Variants in ZDHHC19 observed in about 807,000 individuals in gnomAD.
ZDHHC19 encodes zDHHC palmitoyltransferase 19, also known as palmitoyltransferase ZDHHC19.
Under a neutral mutation model 33.9 loss-of-function variants are expected in ZDHHC19, and 30 were observed. The observed-to-expected ratio is 0.88, with a 90% CI of 0.66 to 1.20. The LOEUF (loss-of-function observed/expected upper bound fraction) is 1.20, where lower values mean the gene tolerates loss of function less well. Ranked by LOEUF, ZDHHC19 falls within the 50% of genes most tolerant of loss-of-function variation. The probability of loss-of-function intolerance (pLI) is 0.00; values close to 1 mark genes in which losing one functional copy is unlikely to be tolerated. For synonymous variants in ZDHHC19, 178 were observed against 167.6 expected, an observed-to-expected ratio of 1.06 and a Z score of -0.48; for missense variants, 364 against 401.1, an observed-to-expected ratio of 0.91 and a Z score of 0.79.
intron 5 of ZDHHC19, among the ~76,000 whole-genome samples, chr3:196,202,625 G>T (rs1377627940): frequency 6.6e-6 from 1 of 152,228 alleles, no homozygotes; most frequent in Non-Finnish European, 1.5e-5. Context: ...GAGCCGCGCA[G>T]GAGGCCAGAG....
rs549393705 is a variant in ZDHHC19 at position 196,200,544 on chromosome 3, C to T, written c.688-1670G>A. On this transcript the variant is annotated intron_variant, in intron 5 of 7. Coordinates refer to ENST00000296326, the MANE Select transcript of ZDHHC19 (RefSeq NM_001039617.2). ...TAATTTTTTGTATTTTTAGTAGAGACGGGGTTTCACCGTGTTAGCCAGGAT... is the reference window on the plus strand; with the variant it reads ...TAATTTTTTGTATTTTTAGTAGAGATGGGGTTTCACCGTGTTAGCCAGGAT... Among the ~76,000 whole-genome samples, 265 of 149,216 alleles carry T rather than the reference C, an allele frequency of 1.8e-3. 3 individuals carry two copies. Among genetic ancestry groups the T allele is most frequent in the South Asian group, 2.9e-3 (14 of 4,780 alleles).
intron 2 of ZDHHC19, among the ~76,000 whole-genome samples, 172 bp downstream of exon 2, chr3:196,210,435 AGAAAGAAAG>A (rs1723189656): frequency 9.7e-6 from 1 of 103,320 alleles, no homozygotes; most frequent in African/African-American, 5.8e-5. Context: ...AGAAAGAAAG[AGAAAGAAAG>A]AAAGAAAAGA....
At chr3:196,207,269 G>C (rs1722811325) in intron 5 of ZDHHC19, 129 bp downstream of exon 5, 10 of 750,974 alleles carry the variant, frequency 1.3e-5, no homozygotes, top group Non-Finnish European at 2.0e-5. Context: ...TTAAGAGCTG[G>C]GTCTGGAGGG....
chr3:196,198,043 T>C (rs1242331293), intron 7 of ZDHHC19, among the ~76,000 whole-genome samples: 1 of 152,070 alleles, frequency 6.6e-6, no homozygotes, highest in Non-Finnish European at 1.5e-5. Flanking sequence ...GCACATGTAG[T>C]GGGGGAGTCA....
At chr3:196,202,804 C>CG (rs1458647665) in intron 5 of ZDHHC19, among the ~76,000 whole-genome samples, 6 of 152,150 alleles carry the variant, frequency 3.9e-5, no homozygotes, top group Admixed American at 3.9e-4. Context: ...CTGAAGCTGC[C>CG]GGGGAAGGGG....
At chr3:196,200,563 CCAGGA>C (rs1722239917) in intron 5 of ZDHHC19, among the ~76,000 whole-genome samples, 1 of 149,202 alleles carries the variant, frequency 6.7e-6, no homozygotes, top group African/African-American at 2.5e-5. Flanking sequence ...ACCGTGTTAG[CCAGGA>C]TGGTCTCGAT....
intron 3 of ZDHHC19, chr3:196,209,169 A>T: frequency 1.5e-6 from 1 of 674,790 alleles, no homozygotes; most frequent in Non-Finnish European, 2.4e-6. Context: ...GCATGTCAGC[A>T]CCTCTGCAGG....
intron 5 of ZDHHC19, among the ~76,000 whole-genome samples, chr3:196,206,934 T>C (rs4916501): frequency 0.51 from 77,007 of 151,612 alleles, 19,980 homozygotes; most frequent in Non-Finnish European, 0.55. Flanking sequence ...TGCAAAGGTG[T>C]CCCCTCACCC....
In ZDHHC19 at chr3:196,205,957, C is replaced by T. The variant is rs1164299110; in HGVS notation, c.687+1441G>A. Among the ~76,000 whole-genome samples the T allele has an allele frequency of 2.0e-5, 3 of 149,424 alleles. No individual in the cohort carries two copies. The Admixed American group carries it at 2.0e-4, about 10-fold the overall frequency. On this transcript the variant is annotated intron_variant, in intron 5 of 7. Coordinates refer to ENST00000296326, the MANE Select transcript of ZDHHC19 (RefSeq NM_001039617.2). ...TGGGATTGCAGGTGTGGGCCATGCA[C>T]CCGTCCAATAAACTTGGCTTTTAAG...
intron 4 of ZDHHC19, 118 bp downstream of exon 4, chr3:196,208,270 C>A: frequency 1.4e-6 from 1 of 738,484 alleles, no homozygotes; most frequent in African/African-American, 1.8e-5. Flanking sequence ...TCACCTCGTC[C>A]CAGACTGGTC....
rs1011545368 is a variant in ZDHHC19 at position 196,201,096 on chromosome 3, G to A, written c.688-2222C>T. ...CATACATTTTTCTTTTTTTTGAGACGGAGTCTCACTGTGTCGCCCAGGCTG... is the reference window on the plus strand; with the variant it reads ...CATACATTTTTCTTTTTTTTGAGACAGAGTCTCACTGTGTCGCCCAGGCTG... On this transcript the variant is annotated intron_variant, in intron 5 of 7. Transcript: ENST00000296326. Among the ~76,000 whole-genome samples, 13 of 150,626 alleles carry A rather than the reference G, an allele frequency of 8.6e-5. 2 individuals are homozygous for A. Among genetic ancestry groups the A allele is most frequent in the East Asian group, 3.9e-4 (2 of 5,078 alleles).
chr3:196,204,494 C>A (rs1343176175), intron 5 of ZDHHC19, among the ~76,000 whole-genome samples: 1 of 152,144 alleles, frequency 6.6e-6, no homozygotes, highest in Non-Finnish European at 1.5e-5. Context: ...AAAATCCTAG[C>A]AGATTTTTTT....
At chr3:196,209,571 G>C (rs1257903829) in intron 2 of ZDHHC19, 56 bp from the exon 3 acceptor site, 1 of 1,583,308 alleles carries the variant, frequency 6.3e-7, no homozygotes, top group African/African-American at 1.3e-5. Context: ...CCCCGCGGCG[G>C]GGGCAGCTCC....
intron 3 of ZDHHC19, chr3:196,208,886 G>A (rs926666892): frequency 5.4e-5 from 19 of 350,288 alleles, no homozygotes; most frequent in Admixed American, 1.3e-4. Context: ...TCATCCATTC[G>A]ATGAAGATGA....
chr3:196,211,330 C>T lies in ZDHHC19; in HGVS notation c.-15G>A, dbSNP rs201661755. 315 of 1,597,646 alleles carry T rather than the reference C, an allele frequency of 2.0e-4. No homozygotes were observed. Among genetic ancestry groups the T allele is most frequent in the Non-Finnish European group, 2.6e-4 (308 of 1,171,014 alleles). On this transcript the variant is annotated 5_prime_UTR_variant, in exon 1 of 8. Coordinates refer to ENST00000296326, the MANE Select transcript of ZDHHC19 (RefSeq NM_001039617.2). The stretch of plus-strand genomic sequence containing the variant: ...AAGAGTGTCATGGCTGGGCCTCCTT[C>T]GCCTCCAGGGGAGGTCAGAGCCACC...
In ZDHHC19 at chr3:196,208,376, G is replaced by T. The variant is rs1560139676; in HGVS notation, c.581+12C>A. On this transcript the variant is annotated intron_variant, in intron 4 of 7. Transcript: ENST00000296326. The stretch of plus-strand genomic sequence containing the variant: ...CCCGCCTCCTCTCCTGCTTCCCCAC[G>T]TGGGCGGATACGCGATGGCCTTGTC... 1 of 1,570,836 alleles carries T rather than the reference G, an allele frequency of 6.4e-7. No individual in the cohort carries two copies. The highest frequency in any genetic ancestry group is 8.7e-7 in the Non-Finnish European group (1 of 1,153,606).
intron 5 of ZDHHC19, among the ~76,000 whole-genome samples, chr3:196,204,337 A>G (rs77693333): frequency 6.6e-6 from 1 of 152,236 alleles, no homozygotes; most frequent in Non-Finnish European, 1.5e-5. Flanking sequence ...TACAAAATCT[A>G]TATGCTGAAA....
chr3:196,204,069 G>T (rs1223177300), intron 5 of ZDHHC19, among the ~76,000 whole-genome samples: 1 of 151,836 alleles, frequency 6.6e-6, no homozygotes, highest in African/African-American at 2.4e-5. Context: ...AATAAGAAGA[G>T]AAAAAAATAA....
chr3:196,206,315 G>A (rs751289023), intron 5 of ZDHHC19, among the ~76,000 whole-genome samples: 2 of 152,038 alleles, frequency 1.3e-5, no homozygotes, highest in Non-Finnish European at 2.9e-5. Flanking sequence ...GCCTCCCAAA[G>A]TGCTGGGATT....
Sources: gnomAD v4.1 joint callset for allele counts (sites outside exome capture counted in the v4.1 genomes callset) on GRCh38, gnomAD v4.1.1 for gene constraint, MANE v1.5 for transcripts, NCBI Gene and HGNC (gene_info 2026-07-23, HGNC 2026-07-21) for gene names.